Variants in PPM1E observed in about 807,000 individuals in gnomAD.
PPM1E encodes protein phosphatase, Mg2+/Mn2+ dependent 1E, also known as protein phosphatase 1E.
PPM1E carries 20 observed loss-of-function variants against 65.9 expected under a neutral mutation model. The ratio of observed to expected loss-of-function variants is 0.30; its 90% CI spans 0.21 to 0.44. PPM1E has a LOEUF of 0.44. PPM1E is among the 20% of genes least tolerant of loss of function. The pLI is 1.00. For synonymous variants in PPM1E, 352 were observed against 374.9 expected, an observed-to-expected ratio of 0.94 and a Z score of 0.70; for missense variants, 713 against 953.1, an observed-to-expected ratio of 0.75 and a Z score of 3.32.
chr17:58,870,211 T>G (rs934174332), intron 1 of PPM1E, among the ~76,000 whole-genome samples: 1 of 152,164 alleles, frequency 6.6e-6, no homozygotes, highest in Non-Finnish European at 1.5e-5. Flanking sequence ...GAAGAAGAAA[T>G]GTCAGGGTTT....
chr17:58,942,537 C>G (rs2143606524), intron 1 of PPM1E, among the ~76,000 whole-genome samples: 1 of 152,294 alleles, frequency 6.6e-6, no homozygotes, highest in African/African-American at 2.4e-5. Flanking sequence ...ATTGCATCAG[C>G]TCACAAATCT....
At chr17:58,891,285 A>G (rs777398211) in intron 1 of PPM1E, among the ~76,000 whole-genome samples, 23 of 151,844 alleles carry the variant, frequency 1.5e-4, no homozygotes, top group Non-Finnish European at 3.2e-4. Context: ...TAAATTTTAA[A>G]TGAATGAATC....
chr17:58,793,328 TTAA>T (rs1358895914), intron 1 of PPM1E, among the ~76,000 whole-genome samples: 3 of 152,008 alleles, frequency 2.0e-5, no homozygotes, highest in Non-Finnish European at 4.4e-5. Flanking sequence ...AAAGTAATTA[TTAA>T]TGCCTTTGTA....
chr17:58,829,331 C>T (rs553727222), intron 1 of PPM1E, among the ~76,000 whole-genome samples: 12 of 152,138 alleles, frequency 7.9e-5, no homozygotes, highest in East Asian at 5.8e-4. Flanking sequence ...CGTGAGCCAC[C>T]GTGCCTGGCC....
At chr17:58,787,015 G>A (rs1361346445) in intron 1 of PPM1E, among the ~76,000 whole-genome samples, 4 of 152,174 alleles carry the variant, frequency 2.6e-5, no homozygotes, top group African/African-American at 9.7e-5. Flanking sequence ...CTGAAGTAGA[G>A]GGTGTTAAAT....
intron 1 of PPM1E, among the ~76,000 whole-genome samples, chr17:58,846,052 A>T (rs538058074): frequency 6.6e-6 from 1 of 152,292 alleles, no homozygotes; most frequent in African/African-American, 2.4e-5. Flanking sequence ...TTATCCATTC[A>T]TCAGTCAGTT....
At chr17:58,882,951 CTTTTTTTTT>C (rs549698099) in intron 1 of PPM1E, among the ~76,000 whole-genome samples, 12 of 98,836 alleles carry the variant, frequency 1.2e-4, no homozygotes, top group Admixed American at 3.3e-4. Flanking sequence ...TTATTACTTT[CTTTTTTTTT>C]TTTTTTTTTT....
intron 1 of PPM1E, among the ~76,000 whole-genome samples, chr17:58,903,800 C>G (rs1196652751): frequency 6.6e-6 from 1 of 152,148 alleles, no homozygotes; most frequent in African/African-American, 2.4e-5. Flanking sequence ...ATTATGTTTA[C>G]TTCTTGTTGT....
chr17:58,794,912 AGAGT>A lies in PPM1E; in HGVS notation c.464+38452_464+38455del, dbSNP rs1172652247. On this transcript the variant is annotated intron_variant, in intron 1 of 6. Coordinates refer to ENST00000308249, the MANE Select transcript of PPM1E (RefSeq NM_014906.5). Reference sequence around the variant, plus strand: ...TCTTTTTTTTTTTTTTTTTTGAGGCAGAGTCTTGCTCTGTCACCCAGACTAGAGT... The same window carrying A: ...TCTTTTTTTTTTTTTTTTTTGAGGCACTTGCTCTGTCACCCAGACTAGAGT... Among the ~76,000 whole-genome samples the A allele has an allele frequency of 6.1e-3, 853 of 139,698 alleles. 9 individuals are homozygous for A. Among genetic ancestry groups the A allele is most frequent in the African/African-American group, 0.022 (826 of 37,146 alleles). 91.6% of individuals were successfully genotyped at this position (139,698 alleles called of 152,430 possible). A position where few individuals can be genotyped will look rare whatever the true frequency, so the allele number is the denominator to read the frequency against.
chr17:58,782,529 G>A lies in PPM1E; in HGVS notation c.464+26068G>A, dbSNP rs865785776. Among the ~76,000 whole-genome samples the A allele has an allele frequency of 2.7e-5, 4 of 150,878 alleles. No homozygotes were observed. The South Asian group carries it at 8.4e-4, about 32-fold the overall frequency. On this transcript the variant is annotated intron_variant, in intron 1 of 6. Coordinates refer to ENST00000308249, the MANE Select transcript of PPM1E (RefSeq NM_014906.5). ...TGATTTTCCTGCCTCAGCCTCCCAA[G>A]TAGCTGGGATTACAGGTGCGTGCCA...
At chr17:58,869,575 C>G (rs1171233207) in intron 1 of PPM1E, among the ~76,000 whole-genome samples, 2 of 152,140 alleles carry the variant, frequency 1.3e-5, no homozygotes, top group Non-Finnish European at 2.9e-5. Flanking sequence ...CAGCTGGAGG[C>G]CTTCACCAGA....
chr17:58,843,871 T>C (rs1391172828), intron 1 of PPM1E, among the ~76,000 whole-genome samples: 1 of 152,090 alleles, frequency 6.6e-6, no homozygotes, highest in African/African-American at 2.4e-5. Flanking sequence ...ATGAAGATTG[T>C]AGGGGAAATG....
chr17:58,828,259 T>A (rs948755067), intron 1 of PPM1E, among the ~76,000 whole-genome samples: 1 of 151,796 alleles, frequency 6.6e-6, no homozygotes, highest in African/African-American at 2.4e-5. Context: ...ATGTAATATG[T>A]GTATAATTTT....
intron 1 of PPM1E, among the ~76,000 whole-genome samples, chr17:58,927,743 C>T (rs940830056): frequency 4.6e-5 from 7 of 151,912 alleles, no homozygotes; most frequent in African/African-American, 1.7e-4. Context: ...CCTGTCTCCA[C>T]AAAACATTTT....
chr17:58,847,590 G>A (rs2050784842), intron 1 of PPM1E, among the ~76,000 whole-genome samples: 1 of 152,138 alleles, frequency 6.6e-6, no homozygotes, highest in African/African-American at 2.4e-5. Flanking sequence ...TAGATGTGTG[G>A]TATTATTTCT....
chr17:58,831,623 A>G (rs1441734165), intron 1 of PPM1E, among the ~76,000 whole-genome samples: 1 of 152,086 alleles, frequency 6.6e-6, no homozygotes, highest in Non-Finnish European at 1.5e-5. Context: ...TTCTCCTTAT[A>G]CCCGCTGTCT....
chr17:58,857,988 A>G (rs1224882786), intron 1 of PPM1E, among the ~76,000 whole-genome samples: 1 of 152,136 alleles, frequency 6.6e-6, no homozygotes, highest in Non-Finnish European at 1.5e-5. Context: ...TCTCAGGCAT[A>G]TAAACAATGT....
Position 58,806,428 on chromosome 17 carries a change from T to TA in PPM1E, c.464+49978dup, listed in dbSNP as rs532625892. On this transcript the variant is annotated intron_variant, in intron 1 of 6. Transcript: ENST00000308249. ...GATCTGTTTTCTAACTAATAAATGG[T>TA]AAAAAAAAAAATGTGATAGGAAAAA... 9.1e-3 allele frequency among the ~76,000 whole-genome samples: 1,327 copies of TA among 146,624 alleles called. 9 individuals carry two copies. Among genetic ancestry groups the TA allele is most frequent in the African/African-American group, 0.013 (528 of 40,238 alleles).
rs188431520 is a variant in PPM1E, at chr17:58,959,124, C to G, written c.583+3357C>G. Among the ~76,000 whole-genome samples the G allele has an allele frequency of 4.5e-3, 678 of 151,894 alleles. 3 individuals are homozygous for G. The highest frequency in any genetic ancestry group is 0.016 in the African/African-American group (642 of 41,384). On this transcript the variant is annotated intron_variant, in intron 2 of 6. Transcript: ENST00000308249. ...GGGAGTTCGAGACCAGCCTGGCCAA[C>G]ATAGTGAAACCCCATCTCTACTAAA... is the stretch of plus-strand genomic sequence containing the variant.
Sources: allele counts gnomAD v4.1 joint callset (sites outside exome capture counted in the v4.1 genomes callset), GRCh38; gene constraint gnomAD v4.1.1; transcripts MANE v1.5; gene names NCBI Gene and HGNC (gene_info 2026-07-23, HGNC 2026-07-21).